Variants in GPC5 observed in about 807,000 individuals in gnomAD.
GPC5 encodes the protein glypican 5, also known as glypican-5.
In GPC5, 47 loss-of-function variants were observed where a neutral mutation model predicts 53.9. The ratio of observed to expected loss-of-function variants is 0.87; its 90% confidence interval spans 0.69 to 1.11. GPC5 has a LOEUF of 1.11. Ranked by LOEUF, GPC5 falls within the 50% of genes most tolerant of loss-of-function variation. GPC5 has a pLI of 0.00. For missense variants in GPC5, 748 were observed against 713.1 expected (o/e 1.05, Z -0.56); for synonymous variants, 286 against 263.3 (o/e 1.09, Z -0.84).
intron 2 of GPC5, among the ~76,000 whole-genome samples, chr13:91,506,203 G>T (rs1170123676): frequency 6.6e-6 from 1 of 151,914 alleles, no homozygotes; most frequent in East Asian, 1.9e-4. Flanking sequence ...TTTGCTCTTA[G>T]GAGTAAACTA....
At chr13:91,772,302 C>T (rs2138698583) in intron 5 of GPC5, among the ~76,000 whole-genome samples, 1 of 152,192 alleles carries the variant, frequency 6.6e-6, no homozygotes, top group South Asian at 2.1e-4. Flanking sequence ...TGTAGAGAGC[C>T]TAAGAGTGGT....
chr13:92,376,470 C>T (rs2139300693), intron 7 of GPC5, among the ~76,000 whole-genome samples: 1 of 152,284 alleles, frequency 6.6e-6, no homozygotes, highest in Middle Eastern at 3.4e-3. Context: ...ATCCCAAATT[C>T]ATGTACTACT....
At chr13:91,955,643 C>G (rs1392085839) in intron 6 of GPC5, among the ~76,000 whole-genome samples, 1 of 152,276 alleles carries the variant, frequency 6.6e-6, no homozygotes, top group East Asian at 1.9e-4. Flanking sequence ...GAAAGCCCCT[C>G]AACCCTCATG....
intron 7 of GPC5, among the ~76,000 whole-genome samples, chr13:92,847,463 G>C (rs1332766875): frequency 2.6e-5 from 4 of 151,980 alleles, no homozygotes; most frequent in African/African-American, 9.7e-5. Flanking sequence ...CTCTTCTCTT[G>C]ATAGTGAGTT....
intron 7 of GPC5, among the ~76,000 whole-genome samples, chr13:92,428,291 C>T (rs999056679): frequency 2.0e-5 from 3 of 152,044 alleles, no homozygotes; most frequent in Non-Finnish European, 2.9e-5. Flanking sequence ...TTGGTTGTTT[C>T]GCTTTGACAA....
chr13:92,081,412 A>G (rs559348840), intron 6 of GPC5, among the ~76,000 whole-genome samples: 1 of 152,340 alleles, frequency 6.6e-6, no homozygotes, highest in East Asian at 1.9e-4. Flanking sequence ...TGTGTCTTTC[A>G]TCTTGTTCGC....
chr13:91,939,454 T>A (rs1028368402), intron 6 of GPC5, among the ~76,000 whole-genome samples: 1 of 152,126 alleles, frequency 6.6e-6, no homozygotes, highest in Non-Finnish European at 1.5e-5. Flanking sequence ...ATACATAACA[T>A]CAGCAAGGCT....
At chr13:92,742,577 T>A (rs1889134067) in intron 7 of GPC5, among the ~76,000 whole-genome samples, 1 of 150,414 alleles carries the variant, frequency 6.6e-6, no homozygotes, top group African/African-American at 2.4e-5. Flanking sequence ...CAGAAGCTCT[T>A]TAGTTTAATT....
intron 2 of GPC5, among the ~76,000 whole-genome samples, chr13:91,616,155 C>T (rs2033690082): frequency 6.6e-6 from 1 of 152,044 alleles, no homozygotes; most frequent in Admixed American, 6.6e-5. Flanking sequence ...AGTTTACGGC[C>T]TTTGAATGAG....
At chr13:92,461,494 T>C (rs913487980) in intron 7 of GPC5, among the ~76,000 whole-genome samples, 6 of 152,216 alleles carry the variant, frequency 3.9e-5, no homozygotes, top group African/African-American at 1.4e-4. Flanking sequence ...AAATATCCAT[T>C]TAAACTAGAC....
chr13:91,459,724 A>G (rs1231827066), intron 2 of GPC5, among the ~76,000 whole-genome samples: 2 of 152,146 alleles, frequency 1.3e-5, no homozygotes, highest in African/African-American at 4.8e-5. Context: ...TATACAGGGT[A>G]GAAGAGTAAT....
At chr13:92,489,866 A>T (rs1226067832) in intron 7 of GPC5, among the ~76,000 whole-genome samples, 1 of 113,274 alleles carries the variant, frequency 8.8e-6, no homozygotes, top group Non-Finnish European at 1.9e-5. Flanking sequence ...ATATGGTCAT[A>T]TTGCAAACAG....
At chr13:92,238,721 C>T (rs2042587814) in intron 7 of GPC5, among the ~76,000 whole-genome samples, 1 of 151,730 alleles carries the variant, frequency 6.6e-6, no homozygotes, top group Non-Finnish European at 1.5e-5. Flanking sequence ...GTTAACTTTT[C>T]ATTATCTTGG....
intron 7 of GPC5, among the ~76,000 whole-genome samples, chr13:92,259,447 T>C (rs964795380): frequency 2.0e-5 from 3 of 152,178 alleles, no homozygotes; most frequent in African/African-American, 4.8e-5. Flanking sequence ...CTACTCCTGA[T>C]TGAAAACTCC....
chr13:91,833,582 T>A (rs920107283), intron 5 of GPC5, among the ~76,000 whole-genome samples: 2 of 151,770 alleles, frequency 1.3e-5, no homozygotes, highest in Non-Finnish European at 2.9e-5. Flanking sequence ...CTGGGATGGT[T>A]CAACATATGC....
chr13:91,661,865 G>T (rs1391115011), intron 2 of GPC5, among the ~76,000 whole-genome samples: 1 of 152,164 alleles, frequency 6.6e-6, no homozygotes, highest in Non-Finnish European at 1.5e-5. Context: ...GGCCCTGTGG[G>T]ACTTTTTAAG....
intron 5 of GPC5, among the ~76,000 whole-genome samples, chr13:91,849,515 C>G (rs1329221417): frequency 6.6e-6 from 1 of 151,854 alleles, no homozygotes; most frequent in Non-Finnish European, 1.5e-5. Flanking sequence ...TTGGCCAAAC[C>G]TCAATAAATA....
chr13:91,564,516 C>T (rs972523235), intron 2 of GPC5, among the ~76,000 whole-genome samples: 14 of 152,112 alleles, frequency 9.2e-5, no homozygotes, highest in African/African-American at 1.7e-4. Flanking sequence ...ATGTAGATAA[C>T]GATTTAGCAA....
chr13:92,811,831 C>T (rs1043795000), intron 7 of GPC5, among the ~76,000 whole-genome samples: 18 of 151,938 alleles, frequency 1.2e-4, no homozygotes, highest in Admixed American at 2.6e-4. Context: ...ATGGAAATCT[C>T]GTTTCCCCAG....
Sources: gnomAD v4.1 joint callset for allele counts (sites outside exome capture counted in the v4.1 genomes callset) on GRCh38, gnomAD v4.1.1 for gene constraint, MANE v1.5 for transcripts, NCBI Gene and HGNC (gene_info 2026-07-23, HGNC 2026-07-21) for gene names.